Variants in EPB41 observed in about 807,000 individuals in gnomAD.
EPB41 encodes protein 4.1.
EPB41 carries 65 observed loss-of-function variants against 108.0 expected under a neutral mutation model. That is an observed-to-expected ratio of 0.60 (90% confidence interval 0.49 to 0.74). The LOEUF (loss-of-function observed/expected upper bound fraction) is 0.74. Among genes scored for constraint, EPB41 ranks in the 30% least tolerant of loss-of-function variants. EPB41 has a pLI of 0.00. For synonymous variants in EPB41, 336 were observed against 358.9 expected (o/e 0.94, Z 0.72); for missense variants, 875 against 1,037.0 (o/e 0.84, Z 2.15).
intron 1 of EPB41, among the ~76,000 whole-genome samples, chr1:28,901,839 A>G (rs1481458163): frequency 6.6e-6 from 1 of 152,100 alleles, no homozygotes; most frequent in Admixed American, 6.6e-5. Context: ...CGGCCTCCTG[A>G]CTTCTTACTT....
At chr1:28,967,013 CTTTTTTT>C (rs71586876) in intron 1 of EPB41, among the ~76,000 whole-genome samples, 1 of 85,368 alleles carries the variant, frequency 1.2e-5, no homozygotes, top group Non-Finnish European at 2.1e-5. Flanking sequence ...ATATGAGAAC[CTTTTTTT>C]TTTTTTTTTT....
chr1:28,892,878 A>G (rs1348695914), intron 1 of EPB41, among the ~76,000 whole-genome samples: 1 of 135,066 alleles, frequency 7.4e-6, no homozygotes, highest in African/African-American at 2.9e-5. Flanking sequence ...ATCTTGGCTC[A>G]CTGCAACCTC....
At chr1:29,114,042 G>A (rs1670076947) in intron 19 of EPB41, among the ~76,000 whole-genome samples, 1 of 152,148 alleles carries the variant, frequency 6.6e-6, no homozygotes. Context: ...TTCTAAGAAT[G>A]CCATTCATAG....
At chr1:28,986,859 C>T (rs2095878754) in intron 1 of EPB41, among the ~76,000 whole-genome samples, 1 of 152,192 alleles carries the variant, frequency 6.6e-6, no homozygotes, top group African/African-American at 2.4e-5. Flanking sequence ...AGTATTTCAA[C>T]TGTATATTTG....
At chr1:28,895,334 C>T (rs2090554239) in intron 1 of EPB41, among the ~76,000 whole-genome samples, 3 of 152,042 alleles carry the variant, frequency 2.0e-5, no homozygotes, top group South Asian at 4.1e-4. Flanking sequence ...TTATCTCATG[C>T]ATTCCTCCTA....
chr1:28,983,840 G>A (rs2095812557), intron 1 of EPB41, among the ~76,000 whole-genome samples: 2 of 152,246 alleles, frequency 1.3e-5, no homozygotes, highest in Middle Eastern at 3.4e-3. Flanking sequence ...TTTGAGTGAG[G>A]TGCTGCCCTC....
At position 28,899,917 on chromosome 1, in the gene EPB41, T is replaced by C. The variant is rs188046534; in HGVS notation, c.-8+12707T>C. 3.0e-3 allele frequency among the ~76,000 whole-genome samples: 450 copies of C among 152,310 alleles called. 5 individuals carry two copies. Among genetic ancestry groups the C allele is most frequent in the Non-Finnish European group, 2.5e-3 (173 of 68,014 alleles). On this transcript the variant is annotated intron_variant, in intron 1 of 16. Transcript: ENST00000347529. ...TACCAGCTGTGAGACCTCTAGCAAG[T>C]TGTTTTACCTAAGTGAGCTTCAGTT...
intron 1 of EPB41, among the ~76,000 whole-genome samples, chr1:28,921,129 T>A (rs1263316467): frequency 6.6e-6 from 1 of 152,182 alleles, no homozygotes; most frequent in Admixed American, 6.6e-5. Context: ...AATAGAAATG[T>A]ATATTTTTGG....
chr1:29,057,367 C>CT (rs1645685384), intron 12 of EPB41, among the ~76,000 whole-genome samples: 1 of 85,746 alleles, frequency 1.2e-5, no homozygotes. Flanking sequence ...GAGTGAGACT[C>CT]TGTCTCAAAA....
At chr1:28,893,245 A>G (rs1308247829) in intron 1 of EPB41, 4 of 151,290 alleles carry the variant, frequency 2.6e-5, no homozygotes, top group African/African-American at 7.3e-5. Flanking sequence ...TAATTTTCAT[A>G]TTTTTTGTAG....
At chr1:29,031,696 C>A (rs889010431) in intron 8 of EPB41, 38 of 152,058 alleles carry the variant, frequency 2.5e-4, no homozygotes, top group African/African-American at 8.9e-4. Flanking sequence ...TGGGTAGGGC[C>A]CTGGAAACTT....
In EPB41 at chr1:28,988,053, A is replaced by G. The variant is rs2095909263; in HGVS notation, c.468+148A>G. 3 of 806,674 alleles carry G rather than the reference A, an allele frequency of 3.7e-6. No individual in the cohort carries two copies. The African/African-American group carries it at 5.1e-5, about 14-fold the overall frequency. 50.0% of individuals were successfully genotyped at this position (806,674 alleles called of 1,614,324 possible). Reference sequence around the variant, plus strand: ...CGAGGCAGGCGGATCAACTGAGGTCAGGAGTTCGAGACCAGCCTGGCCAAC... The same window carrying G: ...CGAGGCAGGCGGATCAACTGAGGTCGGGAGTTCGAGACCAGCCTGGCCAAC... On this transcript the variant is annotated intron_variant, in intron 2 of 20. Transcript: ENST00000343067.
At chr1:29,068,933 G>A (rs892132599) in intron 16 of EPB41, 1 of 723,258 alleles carries the variant, frequency 1.4e-6, no homozygotes, top group Non-Finnish European at 1.9e-6. Flanking sequence ...CAGCCTTTCG[G>A]CCTAACACAT....
rs555530373 is a variant in EPB41 at position 29,058,703 on chromosome 1, C to T, written c.1902+58C>T. On this transcript the variant is annotated intron_variant, in intron 13 of 20. Coordinates refer to ENST00000343067, the MANE Select transcript of EPB41 (RefSeq NM_001376013.1). ...CCTCCACCCCCTCAGTTTTTTTCTT[C>T]TCCCTTACTCCCTTTTCCTTAAAAA... 7.0e-6 allele frequency: 11 copies of T among 1,564,876 alleles called. No homozygotes were observed. In the South Asian group the frequency reaches 9.2e-5, roughly 13 times the overall value.
Position 29,109,662 on chromosome 1 carries a change from A to G in EPB41, c.2415+225A>G, listed in dbSNP as rs541487696. The G allele has an allele frequency of 8.7e-6, 5 of 575,840 alleles. No homozygotes were observed. The South Asian group carries it at 9.7e-5, about 11-fold the overall frequency. The allele number at this position is 575,840 out of a possible 1,614,324, so 35.7% of individuals were successfully genotyped here. A position where few individuals can be genotyped will look rare whatever the true frequency, so the allele number is the denominator to read the frequency against. On this transcript the variant is annotated intron_variant, in intron 18 of 20. Coordinates refer to ENST00000343067, the MANE Select transcript of EPB41 (RefSeq NM_001376013.1). ...CCCTGCCTACTTAGTAGTCTCCTAA[A>G]GGTAGGTGTGGTTGTTCTCTTTACA... is the stretch of plus-strand genomic sequence containing the variant.
intron 11 of EPB41, 63 bp from the exon 12 acceptor site, chr1:29,053,041 A>T: frequency 6.4e-7 from 1 of 1,564,228 alleles, no homozygotes; most frequent in South Asian, 1.1e-5. Flanking sequence ...TTGCCTGGTG[A>T]CTTTGAAATA....
intron 15 of EPB41, 23 bp downstream of exon 15, chr1:29,060,507 T>C: frequency 6.3e-7 from 1 of 1,598,186 alleles, no homozygotes; most frequent in African/African-American, 1.3e-5. Flanking sequence ...TTGAAGCTTA[T>C]TTCAGTTGGT....
chr1:29,016,973 T>G (rs2096586540), intron 6 of EPB41, among the ~76,000 whole-genome samples: 2 of 152,212 alleles, frequency 1.3e-5, no homozygotes, highest in African/African-American at 4.8e-5. Flanking sequence ...ATTATTAAGT[T>G]CTATACAAAG....
At chr1:29,041,738 G>A (rs1641622985) in intron 11 of EPB41, among the ~76,000 whole-genome samples, 1 of 152,030 alleles carries the variant, frequency 6.6e-6, no homozygotes, top group African/African-American at 2.4e-5. Flanking sequence ...AACAGGTTAA[G>A]GATTTGGGTT....
Sources: allele counts gnomAD v4.1 joint callset (sites outside exome capture counted in the v4.1 genomes callset), GRCh38; gene constraint gnomAD v4.1.1; transcripts MANE v1.5; gene names NCBI Gene and HGNC (gene_info 2026-07-23, HGNC 2026-07-21).